Variants in NCKAP5 observed in about 807,000 individuals in gnomAD.
NCKAP5 encodes the protein nck-associated protein 5.
A neutral mutation model predicts 167.0 loss-of-function variants in NCKAP5; 92 were observed. The observed-to-expected ratio is 0.55, with a 90% confidence interval of 0.47 to 0.66. The LOEUF is 0.66. NCKAP5 is among the 30% of genes least tolerant of loss of function. The probability of loss-of-function intolerance (pLI) is 0.00; values close to 1 mark genes in which losing one functional copy is unlikely to be tolerated. For synonymous variants in NCKAP5, 891 were observed against 877.4 expected, an observed-to-expected ratio of 1.02 and a Z score of -0.27; for missense variants, 2,378 against 2,315.0, an observed-to-expected ratio of 1.03 and a Z score of -0.56.
intron 6 of NCKAP5, among the ~76,000 whole-genome samples, chr2:133,126,472 T>C (rs1211910236): frequency 1.3e-5 from 2 of 152,220 alleles, no homozygotes; most frequent in Non-Finnish European, 2.9e-5. Flanking sequence ...CCTATTTCAC[T>C]TGTGATCTCT....
At chr2:133,011,564 C>T (rs891967132) in intron 6 of NCKAP5, among the ~76,000 whole-genome samples, 2 of 152,160 alleles carry the variant, frequency 1.3e-5, no homozygotes, top group Non-Finnish European at 2.9e-5. Flanking sequence ...TTTTCTGCAA[C>T]CAAGAAACTG....
intron 9 of NCKAP5, among the ~76,000 whole-genome samples, chr2:132,874,275 A>C (rs919166472): frequency 1.3e-5 from 2 of 151,728 alleles, no homozygotes; most frequent in African/African-American, 4.8e-5. Flanking sequence ...TGCCTGGTTA[A>C]TTTTCTGTAT....
intron 4 of NCKAP5, among the ~76,000 whole-genome samples, chr2:133,282,947 G>A (rs7577925): frequency 0.36 from 54,853 of 151,950 alleles, 10,207 homozygotes; most frequent in African/African-American, 0.43. Flanking sequence ...CTTGACTGTT[G>A]GACACCAAGG....
At chr2:133,060,482 CATGTTT>C (rs2079960934) in intron 6 of NCKAP5, among the ~76,000 whole-genome samples, 1 of 152,090 alleles carries the variant, frequency 6.6e-6, no homozygotes, top group Admixed American at 6.5e-5. Flanking sequence ...TTTATAGCTG[CATGTTT>C]ATGTATATAT....
chr2:133,318,321 G>A (rs1053228517), intron 3 of NCKAP5, among the ~76,000 whole-genome samples: 5 of 152,166 alleles, frequency 3.3e-5, no homozygotes, highest in Non-Finnish European at 7.3e-5. Flanking sequence ...AGAGACTGTC[G>A]TTAAATACAA....
chr2:133,200,890 A>G (rs926463474), intron 5 of NCKAP5, among the ~76,000 whole-genome samples: 2 of 152,194 alleles, frequency 1.3e-5, no homozygotes, highest in African/African-American at 2.4e-5. Flanking sequence ...ACCAAGCTAT[A>G]GTTGTCCCCG....
Position 133,172,207 on chromosome 2 carries a change from T to C in NCKAP5, c.207+41509A>G, listed in dbSNP as rs188560655. Among the ~76,000 whole-genome samples the C allele has an allele frequency of 4.0e-4, 61 of 152,260 alleles. 1 individual carries two copies. The highest frequency in any genetic ancestry group is 3.3e-3 in the Admixed American group (51 of 15,300). On this transcript the variant is annotated intron_variant, in intron 5 of 19. Transcript: ENST00000409261. Reference sequence around the variant, plus strand: ...CCAAAGCAAAGCAAACAAAAGTATATGTTGATAATGCACTATGCTGCTTCC... The same window carrying C: ...CCAAAGCAAAGCAAACAAAAGTATACGTTGATAATGCACTATGCTGCTTCC...
intron 6 of NCKAP5, among the ~76,000 whole-genome samples, chr2:133,072,783 C>A (rs1573945970): frequency 6.6e-6 from 1 of 152,016 alleles, no homozygotes; most frequent in African/African-American, 2.4e-5. Context: ...AAGTATGTTT[C>A]AAAAATTGAA....
intron 2 of NCKAP5, among the ~76,000 whole-genome samples, chr2:133,531,614 G>A (rs1338483572): frequency 6.6e-6 from 1 of 151,976 alleles, no homozygotes; most frequent in African/African-American, 2.4e-5. Flanking sequence ...CATTGACCAG[G>A]GAAGCAAGTT....
At chr2:133,233,552 T>C (rs1300281194) in intron 4 of NCKAP5, among the ~76,000 whole-genome samples, 1 of 152,202 alleles carries the variant, frequency 6.6e-6, no homozygotes, top group East Asian at 1.9e-4. Flanking sequence ...TCCTATTTCC[T>C]AGTTTCATAT....
the NCKAP5 span, among the ~76,000 whole-genome samples, chr2:133,646,616 A>T: frequency 2.0e-4 from 30 of 152,318 alleles, no homozygotes; most frequent in African/African-American, 7.2e-4. Flanking sequence ...GGTTAAAACA[A>T]AAAAACCCTA....
intron 13 of NCKAP5, among the ~76,000 whole-genome samples, chr2:132,788,287 T>C (rs182472175): frequency 6.6e-6 from 1 of 152,320 alleles, no homozygotes; most frequent in East Asian, 1.9e-4. Context: ...CTGTGTTTAA[T>C]GTCCACAGTC....
chr2:133,327,267 A>C (rs964618419), intron 3 of NCKAP5, among the ~76,000 whole-genome samples: 2 of 152,198 alleles, frequency 1.3e-5, no homozygotes, highest in African/African-American at 4.8e-5. Flanking sequence ...TACAGCTTCC[A>C]CTAGGGCTGT....
intron 3 of NCKAP5, among the ~76,000 whole-genome samples, chr2:133,404,901 C>G (rs1406273284): frequency 6.6e-6 from 1 of 152,144 alleles, no homozygotes; most frequent in East Asian, 1.9e-4. Context: ...CAGTTCTCGA[C>G]CAGCATTAAA....
At chr2:133,358,366 G>A (rs1684877919) in intron 3 of NCKAP5, among the ~76,000 whole-genome samples, 1 of 152,064 alleles carries the variant, frequency 6.6e-6, no homozygotes. Context: ...ATCGCTTGAG[G>A]GCAGGAGTTT....
chr2:132,730,794 C>T (rs922562110), intron 17 of NCKAP5, among the ~76,000 whole-genome samples: 1 of 152,178 alleles, frequency 6.6e-6, no homozygotes, highest in African/African-American at 2.4e-5. Flanking sequence ...AAATAATATG[C>T]ATTACAGTCT....
intron 3 of NCKAP5, among the ~76,000 whole-genome samples, chr2:133,399,960 C>T (rs1687994231): frequency 1.3e-5 from 2 of 152,026 alleles, no homozygotes; most frequent in African/African-American, 4.8e-5. Flanking sequence ...ATATATAAAG[C>T]AGGTCTGTAA....
chr2:133,260,325 C>G (rs1409695091), intron 4 of NCKAP5, among the ~76,000 whole-genome samples: 1 of 152,156 alleles, frequency 6.6e-6, no homozygotes, highest in Non-Finnish European at 1.5e-5. Flanking sequence ...GGAAAGGAGG[C>G]CTTCCACCTA....
At chr2:133,599,820 G>T in the NCKAP5 span, among the ~76,000 whole-genome samples, 2 of 152,250 alleles carry the variant, frequency 1.3e-5, no homozygotes, top group Admixed American at 6.5e-5. Flanking sequence ...CCTGTCTACA[G>T]CCCAAGAGGG....
Sources: allele counts gnomAD v4.1 joint callset (sites outside exome capture counted in the v4.1 genomes callset), GRCh38; gene constraint gnomAD v4.1.1; transcripts MANE v1.5; gene names NCBI Gene and HGNC (gene_info 2026-07-23, HGNC 2026-07-21).